Variants in TENM3 observed in about 807,000 individuals in gnomAD.
TENM3 encodes the protein teneurin-3.
TENM3 carries 63 observed loss-of-function variants against 255.1 expected under a neutral mutation model. The observed-to-expected ratio is 0.25, with a 90% confidence interval of 0.20 to 0.30. The LOEUF (loss-of-function observed/expected upper bound fraction) is 0.30, where lower values mean the gene tolerates loss of function less well. Ranked by LOEUF, TENM3 falls within the 10% of genes least tolerant of loss-of-function variation. The pLI is 1.00. For missense variants in TENM3, 2,929 were observed against 3,461.1 expected (o/e 0.85, Z 3.86); for synonymous variants, 1,306 against 1,322.3 (o/e 0.99, Z 0.27).
chr4:182,057,308 G>T, the TENM3 span, among the ~76,000 whole-genome samples: 1 of 149,746 alleles, frequency 6.7e-6, no homozygotes, highest in Admixed American at 6.7e-5. Flanking sequence ...GAGAGAGAGA[G>T]AGAAATTATA....
the TENM3 span, among the ~76,000 whole-genome samples, chr4:182,059,272 G>T: frequency 6.3e-4 from 96 of 152,142 alleles, no homozygotes; most frequent in African/African-American, 2.1e-3. Flanking sequence ...TACTATGCTG[G>T]TTTCCTTAAG....
intron 1 of TENM3, among the ~76,000 whole-genome samples, chr4:182,316,238 C>T (rs1762742120): frequency 6.6e-6 from 1 of 152,170 alleles, no homozygotes; most frequent in Non-Finnish European, 1.5e-5. Context: ...ACAGTTAGAT[C>T]CTTCCTGGTC....
At chr4:181,882,106 G>A in the TENM3 span, among the ~76,000 whole-genome samples, 1 of 152,108 alleles carries the variant, frequency 6.6e-6, no homozygotes, top group Non-Finnish European at 1.5e-5. Context: ...GTTTTCAAGG[G>A]CTTCTGAGTC....
At chr4:182,311,708 T>C (rs1762454583) in intron 1 of TENM3, among the ~76,000 whole-genome samples, 1 of 152,126 alleles carries the variant, frequency 6.6e-6, no homozygotes, top group African/African-American at 2.4e-5. Flanking sequence ...CAATAAATAA[T>C]CAAGATTGAA....
chr4:182,100,231 A>G, the TENM3 span, among the ~76,000 whole-genome samples: 3 of 151,712 alleles, frequency 2.0e-5, no homozygotes, highest in Admixed American at 2.0e-4. Context: ...TGTCAGGATC[A>G]TAAACCACCT....
chr4:182,497,878 A>C (rs866040909), intron 3 of TENM3, among the ~76,000 whole-genome samples: 9 of 143,002 alleles, frequency 6.3e-5, no homozygotes, highest in African/African-American at 2.4e-4. Flanking sequence ...ATATATATAT[A>C]TATATCTCAA....
At chr4:182,442,288 GAT>G (rs1406788060) in intron 3 of TENM3, among the ~76,000 whole-genome samples, 2 of 152,104 alleles carry the variant, frequency 1.3e-5, no homozygotes, top group Non-Finnish European at 2.9e-5. Context: ...TGTCAATAAA[GAT>G]ATGTTAAACT....
At chr4:181,617,992 G>A in the TENM3 span, among the ~76,000 whole-genome samples, 1 of 152,186 alleles carries the variant, frequency 6.6e-6, no homozygotes, top group Admixed American at 6.5e-5. Flanking sequence ...GATTGAACTT[G>A]AAGTTCTATA....
chr4:182,712,980 A>T (rs1234508794), intron 12 of TENM3, among the ~76,000 whole-genome samples: 1 of 152,192 alleles, frequency 6.6e-6, no homozygotes, highest in Non-Finnish European at 1.5e-5. Flanking sequence ...AGGACACCAG[A>T]ATCTACCCAA....
intron 5 of TENM3, among the ~76,000 whole-genome samples, chr4:182,635,712 T>TA (rs1356716427): frequency 1.1e-4 from 17 of 152,212 alleles, no homozygotes; most frequent in African/African-American, 2.7e-4. Flanking sequence ...ATATGCCTGC[T>TA]AAAAAGGCTG....
At chr4:182,703,308 TA>T (rs1758032202) in intron 12 of TENM3, among the ~76,000 whole-genome samples, 1 of 152,228 alleles carries the variant, frequency 6.6e-6, no homozygotes, top group Non-Finnish European at 1.5e-5. Context: ...TTTGCCAAAA[TA>T]AAAAATAACA....
chr4:182,694,150 C>T (rs1757211421), intron 12 of TENM3, among the ~76,000 whole-genome samples: 1 of 151,768 alleles, frequency 6.6e-6, no homozygotes, highest in Non-Finnish European at 1.5e-5. Context: ...CACTCAGTTG[C>T]CCAGGCTGGA....
chr4:181,795,912 T>C, the TENM3 span, among the ~76,000 whole-genome samples: 1 of 152,020 alleles, frequency 6.6e-6, no homozygotes. Context: ...AGAAAATGAC[T>C]CCAATGGGCA....
At chr4:182,588,489 A>C (rs1010768975) in intron 3 of TENM3, among the ~76,000 whole-genome samples, 3 of 152,206 alleles carry the variant, frequency 2.0e-5, no homozygotes, top group Non-Finnish European at 4.4e-5. Context: ...ACTCCATTTA[A>C]AGTCAATAAA....
the TENM3 span, among the ~76,000 whole-genome samples, chr4:181,733,178 C>G: frequency 6.6e-6 from 1 of 152,070 alleles, no homozygotes; most frequent in East Asian, 1.9e-4. Context: ...AAAGTAGAAC[C>G]TTATTTTTCT....
the TENM3 span, among the ~76,000 whole-genome samples, chr4:182,070,728 G>A: frequency 6.6e-6 from 1 of 152,192 alleles, no homozygotes; most frequent in Non-Finnish European, 1.5e-5. Flanking sequence ...ATAAAAGGTA[G>A]CAGATTTTCA....
rs114223683 is a variant in TENM3, at chr4:182,593,492, G to A, written c.512-7432G>A. Among the ~76,000 whole-genome samples, 227 of 152,012 alleles carry A rather than the reference G, an allele frequency of 1.5e-3. 1 individual carries two copies. The highest frequency in any genetic ancestry group is 5.1e-3 in the African/African-American group (211 of 41,464). ...ATGACTGACTTTACTCAAACTACTCGTATTCTGAAGCAGCACAGCTGTCCG... is the reference window on the plus strand; with the variant it reads ...ATGACTGACTTTACTCAAACTACTCATATTCTGAAGCAGCACAGCTGTCCG... On this transcript the variant is annotated intron_variant, in intron 3 of 27. Transcript: ENST00000511685.
chr4:181,980,782 T>A, the TENM3 span, among the ~76,000 whole-genome samples: 1 of 152,214 alleles, frequency 6.6e-6, no homozygotes, highest in Non-Finnish European at 1.5e-5. Context: ...ATTCCTTTAC[T>A]GTTATTTAAG....
At chr4:182,347,078 G>A in intron 3 of TENM3, 149 bp downstream of exon 3, 1 of 748,058 alleles carries the variant, frequency 1.3e-6, no homozygotes, top group Non-Finnish European at 2.1e-6. Flanking sequence ...TTTTAATGTA[G>A]TAGAACTCAA....
Sources: allele counts gnomAD v4.1 joint callset (sites outside exome capture counted in the v4.1 genomes callset), GRCh38; gene constraint gnomAD v4.1.1; transcripts MANE v1.5; gene names NCBI Gene and HGNC (gene_info 2026-07-23, HGNC 2026-07-21).